Variants in SLC24A2 observed in about 807,000 individuals in gnomAD.
SLC24A2 encodes the protein sodium/potassium/calcium exchanger 2.
In SLC24A2, 36 loss-of-function variants were observed where a neutral mutation model predicts 62.0. That is an observed-to-expected ratio of 0.58 (90% CI 0.44 to 0.77). SLC24A2 has a LOEUF of 0.77. Ranked by LOEUF, SLC24A2 falls within the 30% of genes least tolerant of loss-of-function variation. The probability of loss-of-function intolerance (pLI) is 0.00; values close to 1 mark genes in which losing one functional copy is unlikely to be tolerated. For synonymous variants in SLC24A2, 358 were observed against 294.0 expected (o/e 1.22, Z -2.23); for missense variants, 846 against 817.9 (o/e 1.03, Z -0.42).
chr9:19,870,604 G>C, the SLC24A2 span, among the ~76,000 whole-genome samples: 2 of 152,062 alleles, frequency 1.3e-5, no homozygotes, highest in Admixed American at 1.3e-4. Context: ...CACAGTGGCT[G>C]TACCATTTTA....
intron 2 of SLC24A2, among the ~76,000 whole-genome samples, chr9:19,640,896 T>TA (rs1818475800): frequency 6.6e-6 from 1 of 152,230 alleles, no homozygotes; most frequent in South Asian, 2.1e-4. Context: ...CACCTTACCC[T>TA]AATTCCAGCC....
the SLC24A2 span, among the ~76,000 whole-genome samples, chr9:19,842,861 C>G: frequency 6.6e-6 from 1 of 152,202 alleles, no homozygotes; most frequent in Non-Finnish European, 1.5e-5. Flanking sequence ...ACTAAGCTCC[C>G]AAGTTCCTGG....
At chr9:19,668,689 T>C (rs1308504618) in intron 2 of SLC24A2, among the ~76,000 whole-genome samples, 1 of 152,210 alleles carries the variant, frequency 6.6e-6, no homozygotes, top group Non-Finnish European at 1.5e-5. Flanking sequence ...CTTGAAATAA[T>C]AGTTTCCTCT....
the SLC24A2 span, among the ~76,000 whole-genome samples, chr9:20,210,857 G>C: frequency 8.2e-4 from 124 of 151,638 alleles, no homozygotes; most frequent in African/African-American, 3.0e-3. Flanking sequence ...TTGTAAGCAA[G>C]GAGAGGGGAG....
chr9:20,284,714 C>A, the SLC24A2 span, among the ~76,000 whole-genome samples: 1 of 152,142 alleles, frequency 6.6e-6, no homozygotes, highest in East Asian at 1.9e-4. Context: ...GAACCAAGCA[C>A]AATAAAGCAC....
chr9:20,128,640 A>G, the SLC24A2 span, among the ~76,000 whole-genome samples: 1 of 152,218 alleles, frequency 6.6e-6, no homozygotes, highest in South Asian at 2.1e-4. Context: ...AGAATTAAGA[A>G]TCCAGAAACA....
chr9:19,726,592 G>A (rs1821177563), intron 2 of SLC24A2, among the ~76,000 whole-genome samples: 1 of 152,160 alleles, frequency 6.6e-6, no homozygotes, highest in African/African-American at 2.4e-5. Context: ...AGTATAAAAT[G>A]TGATTTTGCT....
At chr9:19,683,685 G>A (rs903266093) in intron 2 of SLC24A2, among the ~76,000 whole-genome samples, 1 of 151,984 alleles carries the variant, frequency 6.6e-6, no homozygotes, top group East Asian at 1.9e-4. Flanking sequence ...GAATTAGCAA[G>A]GACCGCTATA....
At chr9:19,954,564 G>C in the SLC24A2 span, among the ~76,000 whole-genome samples, 1 of 151,842 alleles carries the variant, frequency 6.6e-6, no homozygotes, top group Non-Finnish European at 1.5e-5. Context: ...GCATGTATTA[G>C]CCAATAAAAC....
the SLC24A2 span, among the ~76,000 whole-genome samples, chr9:19,882,808 T>G: frequency 6.6e-6 from 1 of 152,292 alleles, no homozygotes; most frequent in East Asian, 1.9e-4. Flanking sequence ...AAGCAACATT[T>G]AAAAATGTCA....
At chr9:19,709,895 TATA>T (rs1284402030) in intron 2 of SLC24A2, among the ~76,000 whole-genome samples, 1 of 151,838 alleles carries the variant, frequency 6.6e-6, no homozygotes, top group East Asian at 1.9e-4. Flanking sequence ...AAGCTTAAAG[TATA>T]ATAATAATAA....
intron 7 of SLC24A2, among the ~76,000 whole-genome samples, chr9:19,554,295 C>T (rs1222269400): frequency 6.6e-6 from 1 of 152,104 alleles, no homozygotes; most frequent in Non-Finnish European, 1.5e-5. Context: ...TAGCTTTCAA[C>T]AAAAAGTGAT....
chr9:20,082,967 C>T, the SLC24A2 span, among the ~76,000 whole-genome samples: 1 of 152,192 alleles, frequency 6.6e-6, no homozygotes, highest in Non-Finnish European at 1.5e-5. Flanking sequence ...TAGAGAAACA[C>T]ACAGGCAATG....
chr9:19,881,002 C>T, the SLC24A2 span, among the ~76,000 whole-genome samples: 1 of 152,110 alleles, frequency 6.6e-6, no homozygotes, highest in Non-Finnish European at 1.5e-5. Flanking sequence ...TTCTCTATGC[C>T]TCCCTTTTCC....
the SLC24A2 span, among the ~76,000 whole-genome samples, chr9:20,250,523 C>A: frequency 6.6e-6 from 1 of 152,146 alleles, no homozygotes; most frequent in Non-Finnish European, 1.5e-5. Flanking sequence ...AGACACTAGA[C>A]CTTGAAGAAT....
the SLC24A2 span, among the ~76,000 whole-genome samples, chr9:20,145,417 C>G: frequency 6.6e-6 from 1 of 151,958 alleles, no homozygotes; most frequent in Non-Finnish European, 1.5e-5. Flanking sequence ...TTCCTAGAAG[C>G]CCATAGGATC....
chr9:20,265,881 C>T, the SLC24A2 span, among the ~76,000 whole-genome samples: 1 of 152,138 alleles, frequency 6.6e-6, no homozygotes, highest in Non-Finnish European at 1.5e-5. Context: ...TCTAAAATGG[C>T]CCCCTTGGGT....
intron 2 of SLC24A2, among the ~76,000 whole-genome samples, chr9:19,764,169 C>T (rs1822439766): frequency 1.3e-5 from 2 of 152,184 alleles, no homozygotes; most frequent in Admixed American, 6.5e-5. Flanking sequence ...TCTCCTTTAT[C>T]ATTTTTTATT....
intron 5 of SLC24A2, among the ~76,000 whole-genome samples, chr9:19,587,525 G>C (rs750440767): frequency 2.6e-5 from 4 of 152,196 alleles, no homozygotes; most frequent in Non-Finnish European, 5.9e-5. Context: ...CACATGCTGA[G>C]AGTCCTTAAC....
Sources: gnomAD v4.1 joint callset for allele counts (sites outside exome capture counted in the v4.1 genomes callset) on GRCh38, gnomAD v4.1.1 for gene constraint, MANE v1.5 for transcripts, NCBI Gene and HGNC (gene_info 2026-07-23, HGNC 2026-07-21) for gene names.